The following MSH5 variants were observed in gnomAD, a reference collection of about 807,000 sequenced individuals.
The protein encoded by MSH5 is mutS homolog 5.
MSH5 carries 78 observed loss-of-function variants against 107.7 expected under a neutral mutation model. The ratio of observed to expected loss-of-function variants is 0.72; its 90% CI spans 0.60 to 0.87. MSH5 has a LOEUF of 0.87. MSH5 is among the 40% of genes least tolerant of loss of function. The pLI is 0.00. For synonymous variants in MSH5, 326 were observed against 399.5 expected (o/e 0.82, Z 2.19); for missense variants, 889 against 1,046.6 (o/e 0.85, Z 2.08).
intron 8 of MSH5, 114 bp from the exon 9 acceptor site, chr6:31,745,103 CAAAAAAAAAAAAAAAAAAAA>C: frequency 2.8e-6 from 1 of 354,092 alleles, no homozygotes; most frequent in East Asian, 6.4e-5. Flanking sequence ...GACTCCATCT[CAAAAAAAAAAAAAAAAAAAA>C]AAAGACGTGA....
At chr6:31,744,886 G>A (rs1809274004) in intron 8 of MSH5, among the ~76,000 whole-genome samples, 1 of 152,020 alleles carries the variant, frequency 6.6e-6, no homozygotes, top group African/African-American at 2.4e-5. Flanking sequence ...GGCCAAGGCG[G>A]GTGGATCGCC....
Position 31,743,830 on chromosome 6 carries a change from A to C in MSH5, c.416-74A>C, listed in dbSNP as rs569027922. Reference sequence around the variant, plus strand: ...AAGTCAAATAATCTCTCTTGCTTCTATTGTCTCATTCTTAAAATGGGGTGA... The same window carrying C: ...AAGTCAAATAATCTCTCTTGCTTCTCTTGTCTCATTCTTAAAATGGGGTGA... On this transcript the variant is annotated intron_variant, in intron 5 of 24. Transcript: ENST00000375750. The C allele has an allele frequency of 2.0e-5, 31 of 1,572,862 alleles. No homozygotes were observed. The South Asian group carries it at 3.4e-4, about 17-fold the overall frequency.
rs1810818296 is a variant in MSH5 at position 31,759,909 on chromosome 6, G to A, written c.1619G>A (p.Arg540Gln). ...CTGCTGGCTCTTGCCAGTGCTGCCC[G>A]GGACTATGGCTACTCAAGGCCGCGT... Reference protein sequence around the residue: ...DVLLALASAARDYGYSRPRYS... With the variant: ...DVLLALASAAQDYGYSRPRYS... The change falls in exon 18 of 25, where the codon CGG becomes CAG. Residue 540 changes from arginine (R) to glutamine (Q), a missense_variant. Arg to Gln is a conservative substitution (Grantham distance 43). Coordinates refer to ENST00000375750, the MANE Select transcript of MSH5 (RefSeq NM_172166.4). The surrounding 1 kb of genome is among the most constrained non-coding windows in gnomAD (Gnocchi z 4.7). 11 of 1,614,064 alleles carry A rather than the reference G, an allele frequency of 6.8e-6. No individual in the cohort carries two copies. The highest frequency in any genetic ancestry group is 1.3e-5 in the African/African-American group (1 of 74,922).
Position 31,740,443 on chromosome 6 carries a change from TG to T in MSH5, c.-13-10del. The T allele has an allele frequency of 6.5e-7, 1 of 1,549,054 alleles. No homozygotes were observed. ...TTGCTTCCGAACCGCCCTCACTTTTTGCATCCGCAGAGCCTCCAAGCTCATG... is the reference window on the plus strand; with the variant it reads ...TTGCTTCCGAACCGCCCTCACTTTTTCATCCGCAGAGCCTCCAAGCTCATG... On this transcript the variant is annotated splice_polypyrimidine_tract_variant and intron_variant, in intron 1 of 24. Transcript: ENST00000375750. This position sits in a 1 kb window ranked among gnomAD's most constrained non-coding sequence, Gnocchi z 4.4.
In MSH5 at chr6:31,761,148, T is replaced by C. The variant is rs1413178438; in HGVS notation, c.1963-40T>C. ...AACTGTGGTCAGTGCGTTACGGGCT[T>C]CCAATACTAACTTTCCCTTGTCCAC... On this transcript the variant is annotated intron_variant, in intron 20 of 24. Transcript: ENST00000375750. This position sits in a 1 kb window ranked among gnomAD's most constrained non-coding sequence, Gnocchi z 5.3. 1 of 1,599,882 alleles carries C rather than the reference T, an allele frequency of 6.3e-7. No homozygotes were observed. The highest frequency in any genetic ancestry group is 1.7e-5 in the Admixed American group (1 of 58,246).
chr6:31,744,695 T>G, intron 8 of MSH5, 114 bp downstream of exon 8: 2 of 1,178,792 alleles, frequency 1.7e-6, no homozygotes, highest in African/African-American at 1.5e-5. Context: ...TTAAGATCTC[T>G]CTCCTTGAAG....
At chr6:31,755,337 C>CATTT (rs60849631) in intron 12 of MSH5, among the ~76,000 whole-genome samples, 38,576 of 144,770 alleles carry the variant, frequency 0.27, 5,224 homozygotes, top group South Asian at 0.31. Flanking sequence ...TTTTTGCTTG[C>CATTT]ATTTATTTAT....
intron 2 of MSH5, 123 bp from the exon 3 acceptor site, chr6:31,741,040 C>G: frequency 7.9e-7 from 1 of 1,272,056 alleles, no homozygotes; most frequent in South Asian, 1.5e-5. Context: ...TTCACATTCA[C>G]TAAATGGGGG....
In MSH5 at chr6:31,758,379, G is replaced by C. The variant is rs1432631390; in HGVS notation, c.1143+86G>C. 2 of 1,584,764 alleles carry C rather than the reference G, an allele frequency of 1.3e-6. No homozygotes were observed. Among genetic ancestry groups the C allele is most frequent in the African/African-American group, 2.7e-5 (2 of 74,356 alleles). On this transcript the variant is annotated intron_variant, in intron 13 of 24. Transcript: ENST00000375750. This position sits in a 1 kb window ranked among gnomAD's most constrained non-coding sequence, Gnocchi z 5.1. ...AAGATGGGGAAACATGGAAGATATT[G>C]AGGTCAATTGGATAAAGAATGGGAT...
At chr6:31,742,732 G>C in intron 3 of MSH5, 145 bp from the exon 4 acceptor site, 1 of 709,068 alleles carries the variant, frequency 1.4e-6, no homozygotes, top group East Asian at 2.5e-5. Context: ...ACTTCTACCT[G>C]TGTTCCCACT....
intron 10 of MSH5, among the ~76,000 whole-genome samples, chr6:31,749,682 C>T (rs570071719): frequency 1.1e-4 from 17 of 152,210 alleles, no homozygotes; most frequent in African/African-American, 4.1e-4. Flanking sequence ...TGCACTGTCA[C>T]ATCATGTTAG....
At position 31,740,404 on chromosome 6, in the gene MSH5, T is replaced by G. The variant is rs1231631855; in HGVS notation, c.-13-50T>G. On this transcript the variant is annotated intron_variant, in intron 1 of 24. Coordinates refer to ENST00000375750, the MANE Select transcript of MSH5 (RefSeq NM_172166.4). The surrounding 1 kb of genome is among the most constrained non-coding windows in gnomAD (Gnocchi z 4.4). ...TTCTGCGCGCCACCCTACCCCGGCC[T>G]CCTCTGTGAATCGTTGCTTCCGAAC... 1 of 1,531,270 alleles carries G rather than the reference T, an allele frequency of 6.5e-7. No homozygotes were observed. The highest frequency in any genetic ancestry group is 2.1e-5 in the Admixed American group (1 of 46,764). The allele number at this position is 1,531,270 out of a possible 1,614,324, so 94.9% of individuals were successfully genotyped here.
chr6:31,749,248 A>G (rs1809739870), intron 10 of MSH5, among the ~76,000 whole-genome samples: 1 of 151,938 alleles, frequency 6.6e-6, no homozygotes, highest in Admixed American at 6.6e-5. Flanking sequence ...ACCTATCAAA[A>G]TCTTACATCC....
At position 31,753,369 on chromosome 6, in the gene MSH5, T is replaced by C; in HGVS notation, c.881T>C (p.Phe294Ser). 1.9e-6 allele frequency: 3 copies of C among 1,614,190 alleles called. No individual in the cohort carries two copies. Among genetic ancestry groups the C allele is most frequent in the Non-Finnish European group, 8.5e-7 (1 of 1,180,034 alleles). The change falls in exon 11 of 25, where the codon TTT becomes TCT. Residue 294 changes from phenylalanine (F) to serine (S), a missense_variant. This residue lies in a region of MSH5 where 518 missense variants were observed against 565.0 expected (regional missense o/e 0.92). Transcript: ENST00000375750. ...TCTCGTCTGGACGTCATTCAGTTTT[T>C]TCTGCTGCCCCAGAATCTGGACATG... The part of the protein sequence containing the change: ...LSSRLDVIQF[F>S]LLPQNLDMAQ...
chr6:31,745,103 CAAAAAAAA>C (rs9279403), intron 8 of MSH5, 126 bp from the exon 9 acceptor site: 186 of 359,666 alleles, frequency 5.2e-4, no homozygotes, highest in Admixed American at 9.3e-4. Context: ...GACTCCATCT[CAAAAAAAA>C]AAAAAAAAAA....
intron 2 of MSH5, among the ~76,000 whole-genome samples, 160 bp from the exon 3 acceptor site, chr6:31,741,003 C>T (rs1025701407): frequency 2.0e-5 from 3 of 151,934 alleles, no homozygotes; most frequent in Non-Finnish European, 4.4e-5. Context: ...AAGAGCTGGG[C>T]AAGTCTCTTA....
rs187674084 is a variant in MSH5 at position 31,757,975 on chromosome 6, C to T, written c.1015-190C>T. Reference sequence around the variant, plus strand: ...ATGAGCCACTGTGCCTGGCCAGGACCATATCTTAATTGTCTTTGTAGTTTC... The same window carrying T: ...ATGAGCCACTGTGCCTGGCCAGGACTATATCTTAATTGTCTTTGTAGTTTC... On this transcript the variant is annotated intron_variant, in intron 12 of 24. Transcript: ENST00000375750. 2.7e-5 allele frequency: 19 copies of T among 692,374 alleles called. No individual in the cohort carries two copies. In the Admixed American group the frequency reaches 4.2e-4, roughly 15 times the overall value. 42.9% of individuals were successfully genotyped at this position (692,374 alleles called of 1,614,324 possible).
At position 31,740,851 on chromosome 6, in the gene MSH5, C is replaced by G. The variant is rs1239150674; in HGVS notation, c.147+238C>G. 1.3e-5 allele frequency among the ~76,000 whole-genome samples: 2 copies of G among 152,030 alleles called. No homozygotes were observed. The highest frequency in any genetic ancestry group is 4.8e-5 in the African/African-American group (2 of 41,384). ...TGGCACGTGCCTGTTATCCCAGCTA[C>G]TGGGAAGGCTGAGGCAGGAGAATCA... On this transcript the variant is annotated intron_variant, in intron 2 of 24. Coordinates refer to ENST00000375750, the MANE Select transcript of MSH5 (RefSeq NM_172166.4). The surrounding 1 kb of genome is among the most constrained non-coding windows in gnomAD (Gnocchi z 4.4).
At chr6:31,749,261 G>A (rs1380722460) in intron 10 of MSH5, among the ~76,000 whole-genome samples, 1 of 152,128 alleles carries the variant, frequency 6.6e-6, no homozygotes, top group African/African-American at 2.4e-5. Context: ...TTACATCCAG[G>A]TCAGGCGCGG....
Sources: allele counts gnomAD v4.1 joint callset (sites outside exome capture counted in the v4.1 genomes callset), GRCh38; gene constraint gnomAD v4.1.1; regional missense constraint gnomAD v4.1.1; non-coding constraint Gnocchi (gnomAD v3.1); transcripts MANE v1.5; gene names NCBI Gene and HGNC (gene_info 2026-07-23, HGNC 2026-07-21).